The following SHQ1 variants were observed in gnomAD, a reference collection of about 807,000 sequenced individuals.
SHQ1 encodes protein SHQ1 homolog.
SHQ1 carries 49 observed loss-of-function variants against 53.8 expected under a neutral mutation model. The observed-to-expected ratio is 0.91, with a 90% confidence interval of 0.72 to 1.16. The LOEUF is 1.16. SHQ1 is among the 50% of genes most tolerant of loss of function. SHQ1 has a pLI of 0.00. For synonymous variants in SHQ1, 243 were observed against 251.0 expected, an observed-to-expected ratio of 0.97 and a Z score of 0.30; for missense variants, 738 against 683.1, an observed-to-expected ratio of 1.08 and a Z score of -0.90.
intron 10 of SHQ1, among the ~76,000 whole-genome samples, chr3:72,757,234 C>T (rs1236328305): frequency 6.6e-6 from 1 of 152,208 alleles, no homozygotes; most frequent in Non-Finnish European, 1.5e-5. Context: ...CAATTGATCA[C>T]AGAGGACAAG....
At chr3:72,844,547 TTC>T (rs1708273713) in intron 1 of SHQ1, 124 bp from the exon 2 acceptor site, 2 of 773,644 alleles carry the variant, frequency 2.6e-6, no homozygotes, top group Non-Finnish European at 4.6e-6. Context: ...TCCTCAGTAT[TTC>T]TTTCACATTT....
intron 10 of SHQ1, among the ~76,000 whole-genome samples, chr3:72,786,101 C>A (rs1444451871): frequency 6.6e-6 from 1 of 152,242 alleles, no homozygotes; most frequent in Non-Finnish European, 1.5e-5. Flanking sequence ...CTCTCTCTCC[C>A]AGCAGCATCC....
At chr3:72,811,617 T>C (rs1290211215) in intron 9 of SHQ1, among the ~76,000 whole-genome samples, 3 of 152,238 alleles carry the variant, frequency 2.0e-5, no homozygotes, top group African/African-American at 7.2e-5. Context: ...ATGATTCATT[T>C]TTACAATTAC....
At chr3:72,820,365 C>A (rs1382224777) in intron 6 of SHQ1, among the ~76,000 whole-genome samples, 2 of 152,152 alleles carry the variant, frequency 1.3e-5, no homozygotes, top group Non-Finnish European at 2.9e-5. Flanking sequence ...ACACTTCCAC[C>A]TTTTACTGAG....
the SHQ1 span, among the ~76,000 whole-genome samples, chr3:72,729,373 T>C: frequency 2.6e-5 from 4 of 152,314 alleles, no homozygotes; most frequent in Admixed American, 2.6e-4. Context: ...ATGAAGATTC[T>C]TGGAGCCTGG....
intron 9 of SHQ1, among the ~76,000 whole-genome samples, chr3:72,801,944 G>A (rs183613757): frequency 4.7e-4 from 72 of 152,266 alleles, no homozygotes; most frequent in Admixed American, 9.2e-4. Flanking sequence ...AAGTAAAAAT[G>A]GTAACAATCC....
chr3:72,730,221 T>A, the SHQ1 span, among the ~76,000 whole-genome samples: 5 of 152,058 alleles, frequency 3.3e-5, no homozygotes, highest in Non-Finnish European at 5.9e-5. Context: ...GTTCAAGTGA[T>A]CCTCCCACCT....
At chr3:72,766,295 T>C (rs938668326) in intron 10 of SHQ1, among the ~76,000 whole-genome samples, 3 of 152,152 alleles carry the variant, frequency 2.0e-5, no homozygotes, top group South Asian at 2.1e-4. Context: ...GATTCTGACA[T>C]AGCTAATTGC....
intron 10 of SHQ1, chr3:72,753,550 C>G (rs1705434572): frequency 2.0e-6 from 2 of 985,150 alleles, no homozygotes; most frequent in Admixed American, 6.2e-5. Context: ...CAAGGGTGAG[C>G]GGGAGGCACA....
In SHQ1 at chr3:72,806,219, C is replaced by T. The variant is rs534729560; in HGVS notation, c.1060+6452G>A. On this transcript the variant is annotated intron_variant, in intron 9 of 10. Coordinates refer to ENST00000325599, the MANE Select transcript of SHQ1 (RefSeq NM_018130.3). ...CACTTTGCCTCATGGAAGGAGAATCCGGAGTTCTCCCTTTCAAACATTCAG... is the reference window on the plus strand; with the variant it reads ...CACTTTGCCTCATGGAAGGAGAATCTGGAGTTCTCCCTTTCAAACATTCAG... 5.3e-5 allele frequency among the ~76,000 whole-genome samples: 8 copies of T among 152,220 alleles called. No individual in the cohort carries two copies. In the East Asian group the frequency reaches 1.4e-3, roughly 26 times the overall value.
At chr3:72,800,109 T>C (rs1279921435) in intron 9 of SHQ1, among the ~76,000 whole-genome samples, 3 of 152,148 alleles carry the variant, frequency 2.0e-5, no homozygotes, top group Admixed American at 6.5e-5. Context: ...CCCTCATGAA[T>C]GTTAACGACA....
In SHQ1 at chr3:72,840,399, T is replaced by C. The variant is rs187742958; in HGVS notation, c.486+646A>G. 1.9e-3 allele frequency among the ~76,000 whole-genome samples: 291 copies of C among 150,036 alleles called. 2 individuals are homozygous for C. The highest frequency in any genetic ancestry group is 6.7e-3 in the African/African-American group (274 of 40,732). On this transcript the variant is annotated intron_variant, in intron 4 of 10. Coordinates refer to ENST00000325599, the MANE Select transcript of SHQ1 (RefSeq NM_018130.3). ...GGTAAAACCCCATCTCCGCAAAAAA[T>C]ACAAAAACTAGCCAGGCGTGGTGGT... is the stretch of plus-strand genomic sequence containing the variant.
At chr3:72,802,163 G>A (rs953604546) in intron 9 of SHQ1, among the ~76,000 whole-genome samples, 1 of 152,188 alleles carries the variant, frequency 6.6e-6, no homozygotes. Flanking sequence ...GGGTAGTATG[G>A]ATCAGCCCTG....
chr3:72,803,330 C>T (rs578139073), intron 9 of SHQ1, among the ~76,000 whole-genome samples: 5 of 152,330 alleles, frequency 3.3e-5, no homozygotes, highest in African/African-American at 1.2e-4. Flanking sequence ...TGTATCTCTT[C>T]AGTTCACACA....
chr3:72,792,810 A>C (rs986030962), intron 10 of SHQ1, 106 bp downstream of exon 10: 36 of 780,578 alleles, frequency 4.6e-5, no homozygotes, highest in Admixed American at 2.6e-4. Flanking sequence ...AAAAAAAAAA[A>C]ACACAACTTA....
chr3:72,748,959 A>ACACACG (rs752716519), downstream of SHQ1, among the ~76,000 whole-genome samples: 11 of 134,232 alleles, frequency 8.2e-5, no homozygotes, highest in African/African-American at 1.0e-4. Flanking sequence ...TGTCTCAAAC[A>ACACACG]CACACGCACA....
chr3:72,792,091 A>G (rs1436986277), intron 10 of SHQ1, among the ~76,000 whole-genome samples: 2 of 152,234 alleles, frequency 1.3e-5, no homozygotes, highest in Non-Finnish European at 2.9e-5. Flanking sequence ...ATTATCAAGA[A>G]TCATGCTATT....
At chr3:72,785,456 C>A (rs1014137360) in intron 10 of SHQ1, among the ~76,000 whole-genome samples, 8 of 152,206 alleles carry the variant, frequency 5.3e-5, no homozygotes, top group African/African-American at 1.7e-4. Flanking sequence ...CGAAATTCCA[C>A]CTCTTAAAAA....
the SHQ1 span, among the ~76,000 whole-genome samples, chr3:72,743,836 C>CT: frequency 1.3e-5 from 2 of 152,186 alleles, no homozygotes; most frequent in African/African-American, 4.8e-5. Flanking sequence ...AATAAATACT[C>CT]TAAGACCATT....
Sources: gnomAD v4.1 joint callset for allele counts (sites outside exome capture counted in the v4.1 genomes callset) on GRCh38, gnomAD v4.1.1 for gene constraint, MANE v1.5 for transcripts, NCBI Gene and HGNC (gene_info 2026-07-23, HGNC 2026-07-21) for gene names.